Variants in TIAM1 observed in about 807,000 individuals in gnomAD.
TIAM1 encodes rho guanine nucleotide exchange factor TIAM1.
In TIAM1, 65 loss-of-function variants were observed where a neutral mutation model predicts 163.5. That is an observed-to-expected ratio of 0.40 (90% CI 0.33 to 0.49). The LOEUF (loss-of-function observed/expected upper bound fraction) is 0.49, where lower values mean the gene tolerates loss of function less well. Among genes scored for constraint, TIAM1 ranks in the 20% least tolerant of loss-of-function variants. TIAM1 has a pLI of 0.77. For missense variants in TIAM1, 1,789 were observed against 2,044.7 expected (o/e 0.87, Z 2.41); for synonymous variants, 833 against 810.1 (o/e 1.03, Z -0.48).
intron 2 of TIAM1, among the ~76,000 whole-genome samples, chr21:31,377,555 G>A (rs985303940): frequency 6.6e-6 from 1 of 152,162 alleles, no homozygotes; most frequent in South Asian, 2.1e-4. Context: ...ACTACATCAC[G>A]CCTCTGACAG....
At position 31,487,755 on chromosome 21, in the gene TIAM1, C is replaced by T. The variant is rs574290171; in HGVS notation, c.-421-23720G>A. Among the ~76,000 whole-genome samples the T allele has an allele frequency of 4.9e-4, 75 of 151,670 alleles. No homozygotes were observed. The South Asian group carries it at 5.0e-3, about 10-fold the overall frequency. ...TGTATTTTTAGTAGAGACGGGGTTT[C>T]ACCTTGTTAGCCAGGATGGTCTCGA... is the stretch of plus-strand genomic sequence containing the variant. On this transcript the variant is annotated intron_variant, in intron 1 of 28. Transcript: ENST00000286827.
chr21:31,213,384 A>G lies in TIAM1; in HGVS notation c.2217+14T>C, dbSNP rs1187958826. ...GTGGTACTTTTAGAAAAGAAAACAC[A>G]CGTTTATTTTTACCTTGCCATCTGG... On this transcript the variant is annotated intron_variant, in intron 10 of 27. Coordinates refer to ENST00000541036, the MANE Select transcript of TIAM1 (RefSeq NM_001353694.2). 4 of 1,606,276 alleles carry G rather than the reference A, an allele frequency of 2.5e-6. No individual in the cohort carries two copies. Among genetic ancestry groups the G allele is most frequent in the Middle Eastern group, 1.7e-4 (1 of 6,030 alleles).
chr21:31,272,267 A>T (rs968633080), intron 3 of TIAM1, among the ~76,000 whole-genome samples: 9 of 152,202 alleles, frequency 5.9e-5, no homozygotes, highest in African/African-American at 2.2e-4. Context: ...AAATGATTGT[A>T]TGTGTACCAC....
At chr21:31,451,726 T>TGC (rs1569343164) in intron 2 of TIAM1, among the ~76,000 whole-genome samples, 1 of 137,982 alleles carries the variant, frequency 7.2e-6, no homozygotes, top group Non-Finnish European at 1.5e-5. Context: ...TGCGTGTGTG[T>TGC]GTGTGTGTGT....
chr21:31,319,478 A>T (rs776403877), intron 2 of TIAM1, among the ~76,000 whole-genome samples: 43 of 152,134 alleles, frequency 2.8e-4, no homozygotes, highest in South Asian at 4.2e-4. Context: ...ATTTTCCATT[A>T]AAAAAATTAC....
intron 1 of TIAM1, among the ~76,000 whole-genome samples, chr21:31,469,079 CTT>C (rs765505214): frequency 0.13 from 13,993 of 110,786 alleles, 627 homozygotes; most frequent in African/African-American, 0.16. Flanking sequence ...GAACCAATCC[CTT>C]TTTTTTTTTT....
intron 2 of TIAM1, among the ~76,000 whole-genome samples, chr21:31,436,379 T>C (rs2044208819): frequency 6.6e-6 from 1 of 152,216 alleles, no homozygotes; most frequent in Non-Finnish European, 1.5e-5. Flanking sequence ...GGCTCATGCC[T>C]GTAATCTCAG....
Position 31,472,306 on chromosome 21 carries a change from C to A in TIAM1, c.-421-8271G>T, listed in dbSNP as rs187746205. 1.8e-3 allele frequency among the ~76,000 whole-genome samples: 278 copies of A among 152,212 alleles called. 4 individuals are homozygous for A. The highest frequency in any genetic ancestry group is 7.4e-4 in the Non-Finnish European group (50 of 68,010). ...CTTTGGGAGGCTGAGGCGGGCAGAT[C>A]ACTTGAAGGCAGGAGTTTGAGACCG... On this transcript the variant is annotated intron_variant, in intron 1 of 28. Transcript: ENST00000286827.
intron 19 of TIAM1, among the ~76,000 whole-genome samples, chr21:31,149,465 A>T (rs980362731): frequency 6.6e-5 from 10 of 152,224 alleles, no homozygotes; most frequent in African/African-American, 2.4e-4. Context: ...CCTGTCACTA[A>T]AAGAAGCAAT....
chr21:31,391,587 T>C (rs2076966109), intron 2 of TIAM1, among the ~76,000 whole-genome samples: 1 of 152,028 alleles, frequency 6.6e-6, no homozygotes, highest in South Asian at 2.1e-4. Flanking sequence ...ATCGCACCAT[T>C]GCACTCCAGC....
intron 26 of TIAM1, 123 bp downstream of exon 26, chr21:31,126,942 C>T: frequency 1.1e-6 from 1 of 873,600 alleles, no homozygotes; most frequent in Non-Finnish European, 1.8e-6. Flanking sequence ...TCTCCATTTA[C>T]TGCATCTCAG....
chr21:31,252,967 G>C (rs1034108900), intron 4 of TIAM1, among the ~76,000 whole-genome samples: 2 of 152,214 alleles, frequency 1.3e-5, no homozygotes, highest in African/African-American at 4.8e-5. Flanking sequence ...TGACAGCTCG[G>C]GGCAACTGCC....
rs1569294158 is a variant in TIAM1 at position 31,395,154 on chromosome 21, C to T, written c.-368-55732G>A. ...TTGGGAGGCTGCGGCACCAGAATTGCTTGAGCCTGGGAGGCAGAGGTTGCA... is the reference window on the plus strand; with the variant it reads ...TTGGGAGGCTGCGGCACCAGAATTGTTTGAGCCTGGGAGGCAGAGGTTGCA... On this transcript the variant is annotated intron_variant, in intron 2 of 28. Transcript: ENST00000286827. This position sits in a 1 kb window ranked among gnomAD's most constrained non-coding sequence, Gnocchi z 7.5. 6.6e-6 allele frequency among the ~76,000 whole-genome samples: 1 copy of T among 151,914 alleles called. No individual in the cohort carries two copies. The highest frequency in any genetic ancestry group is 2.4e-5 in the African/African-American group (1 of 41,354).
Position 31,245,524 on chromosome 21 carries a change from G to A in TIAM1, c.1548C>T (p.Cys516=). The part of the protein sequence containing the change: ...PEHPKKDFVF[C]LSNSLGDAFL... ...AGGCATCACCCAGGGAATTGCTGAG[G>A]CAGAAGACAAAGTCCTTCTTGGGGT... The change falls in exon 6 of 28, where the codon TGC becomes TGT. Residue 516 remains cysteine (C), a synonymous_variant. Transcript: ENST00000541036. 4 of 1,553,040 alleles carry A rather than the reference G, an allele frequency of 2.6e-6. No individual in the cohort carries two copies. Among genetic ancestry groups the A allele is most frequent in the Non-Finnish European group, 3.5e-6 (4 of 1,148,128 alleles).
chr21:31,500,035 G>A (rs1346465141), intron 1 of TIAM1, among the ~76,000 whole-genome samples: 2 of 151,088 alleles, frequency 1.3e-5, no homozygotes, highest in South Asian at 2.1e-4. Context: ...GCATGGTGGC[G>A]GGCACCTGTA....
intron 2 of TIAM1, among the ~76,000 whole-genome samples, chr21:31,397,124 A>C (rs2077086518): frequency 6.6e-6 from 1 of 152,208 alleles, no homozygotes; most frequent in African/African-American, 2.4e-5. Context: ...TGTTCAACTT[A>C]GCAGCAGATC....
At chr21:31,225,385 A>G (rs554658533) in intron 7 of TIAM1, among the ~76,000 whole-genome samples, 25 of 152,302 alleles carry the variant, frequency 1.6e-4, no homozygotes, top group Admixed American at 3.3e-4. Context: ...CCCCACCATA[A>G]GAGAACTCCA....
At position 31,497,879 on chromosome 21, in the gene TIAM1, T is replaced by G. The variant is rs571124074; in HGVS notation, c.-421-33844A>C. On this transcript the variant is annotated intron_variant, in intron 1 of 28. Coordinates refer to the TIAM1 transcript ENST00000286827. ...GTAAAGCTGGGGGCTTGGAAAAACA[T>G]GTTCTATCAAGTTTCAGCCTAAATT... Among the ~76,000 whole-genome samples, 3 of 152,314 alleles carry G rather than the reference T, an allele frequency of 2.0e-5. No individual in the cohort carries two copies. In the East Asian group the frequency reaches 5.8e-4, roughly 29 times the overall value.
intron 2 of TIAM1, among the ~76,000 whole-genome samples, chr21:31,352,276 G>A (rs1199480701): frequency 6.6e-6 from 1 of 152,102 alleles, no homozygotes; most frequent in Non-Finnish European, 1.5e-5. Context: ...GATCTGTGCT[G>A]CTACATGGAT....
Sources: allele counts gnomAD v4.1 joint callset (sites outside exome capture counted in the v4.1 genomes callset), GRCh38; gene constraint gnomAD v4.1.1; non-coding constraint Gnocchi (gnomAD v3.1); transcripts MANE v1.5; gene names NCBI Gene and HGNC (gene_info 2026-07-23, HGNC 2026-07-21).